Variants in SYNJ2BP observed in about 807,000 individuals in gnomAD.
The protein encoded by SYNJ2BP is synaptojanin 2 binding protein, also known as synaptojanin-2-binding protein.
SYNJ2BP carries 10 observed loss-of-function variants against 16.9 expected under a neutral mutation model. That is an observed-to-expected ratio of 0.59 (90% CI 0.36 to 1.00). The LOEUF (loss-of-function observed/expected upper bound fraction) is 1.00. Ranked by LOEUF, SYNJ2BP falls within the 50% of genes least tolerant of loss-of-function variation. The pLI is 0.01. For synonymous variants in SYNJ2BP, 54 were observed against 68.4 expected (o/e 0.79, Z 1.04); for missense variants, 162 against 186.7 (o/e 0.87, Z 0.77).
intron 1 of SYNJ2BP, among the ~76,000 whole-genome samples, chr14:70,407,384 T>C (rs1259617607): frequency 6.6e-6 from 1 of 151,128 alleles, no homozygotes; most frequent in East Asian, 1.9e-4. Context: ...GAGCCGAGAT[T>C]GTGCCACTGC....
At chr14:70,385,996 T>C (rs1205002445) in intron 2 of SYNJ2BP, among the ~76,000 whole-genome samples, 1 of 152,226 alleles carries the variant, frequency 6.6e-6, no homozygotes, top group East Asian at 1.9e-4. Flanking sequence ...CAAATACTTC[T>C]CACCATTCTC....
At chr14:70,374,539 G>A (rs1887583270) in intron 3 of SYNJ2BP, among the ~76,000 whole-genome samples, 1 of 152,198 alleles carries the variant, frequency 6.6e-6, no homozygotes, top group Non-Finnish European at 1.5e-5. Flanking sequence ...AATGCTATAG[G>A]AGGAATTATA....
intron 3 of SYNJ2BP, 125 bp downstream of exon 3, chr14:70,375,551 T>C: frequency 8.0e-7 from 1 of 1,252,700 alleles, no homozygotes; most frequent in Admixed American, 2.6e-5. Flanking sequence ...TCCCTTTGCC[T>C]GAGAAACTCT....
intron 1 of SYNJ2BP, 21 bp from the exon 2 acceptor site, chr14:70,388,627 T>C: frequency 6.9e-7 from 1 of 1,457,978 alleles, no homozygotes; most frequent in Non-Finnish European, 9.1e-7. Context: ...CATGGAGGAG[T>C]AAAAAGATGG....
chr14:70,375,177 T>A (rs1887598870), intron 3 of SYNJ2BP, among the ~76,000 whole-genome samples: 1 of 151,020 alleles, frequency 6.6e-6, no homozygotes. Context: ...CATACTGTTG[T>A]GAATTTCTCT....
intron 1 of SYNJ2BP, among the ~76,000 whole-genome samples, chr14:70,390,584 C>T (rs909387975): frequency 6.2e-4 from 94 of 151,754 alleles, no homozygotes; most frequent in African/African-American, 2.2e-3. Context: ...AGGAGAATGG[C>T]GTGAACCCGG....
At chr14:70,398,084 A>AG (rs1888146538) in intron 1 of SYNJ2BP, among the ~76,000 whole-genome samples, 1 of 77,520 alleles carries the variant, frequency 1.3e-5, no homozygotes, top group Non-Finnish European at 3.5e-5. Context: ...TCATCTCAAC[A>AG]AGTACTCAGT....
chr14:70,395,926 T>C (rs779900285), intron 1 of SYNJ2BP, among the ~76,000 whole-genome samples: 12 of 152,228 alleles, frequency 7.9e-5, no homozygotes, highest in Non-Finnish European at 1.6e-4. Flanking sequence ...TAGCATAATG[T>C]CTTCAAGGTT....
intron 2 of SYNJ2BP, among the ~76,000 whole-genome samples, chr14:70,385,553 T>TG (rs1420099719): frequency 6.6e-6 from 1 of 151,846 alleles, no homozygotes; most frequent in Non-Finnish European, 1.5e-5. Flanking sequence ...TTTGTATTTT[T>TG]TTTTTTTAGT....
intron 3 of SYNJ2BP, among the ~76,000 whole-genome samples, chr14:70,374,957 A>ATTAT (rs1887594004): frequency 6.6e-6 from 1 of 150,466 alleles, no homozygotes; most frequent in Non-Finnish European, 1.5e-5. Flanking sequence ...TTTTATTATT[A>ATTAT]TTTTTTTAAG....
intron 1 of SYNJ2BP, among the ~76,000 whole-genome samples, chr14:70,404,730 T>C (rs1482398771): frequency 7.9e-5 from 12 of 152,116 alleles, no homozygotes. Flanking sequence ...CTAAATACAG[T>C]GCATATAAAG....
chr14:70,393,284 T>C (rs1006343049), intron 1 of SYNJ2BP, among the ~76,000 whole-genome samples: 1 of 152,160 alleles, frequency 6.6e-6, no homozygotes, highest in Non-Finnish European at 1.5e-5. Flanking sequence ...ATGGCGATCA[T>C]TAAAAAGTCT....
intron 3 of SYNJ2BP, among the ~76,000 whole-genome samples, chr14:70,374,957 A>ATTT (rs34793292): frequency 4.0e-5 from 6 of 150,466 alleles, no homozygotes; most frequent in African/African-American, 7.3e-5. Context: ...TTTTATTATT[A>ATTT]TTTTTTTAAG....
chr14:70,383,812 G>C (rs996917350), intron 2 of SYNJ2BP, among the ~76,000 whole-genome samples: 17 of 151,992 alleles, frequency 1.1e-4, no homozygotes, highest in Non-Finnish European at 1.5e-4. Context: ...CTTCGTAATA[G>C]CCATTTTTAT....
intron 2 of SYNJ2BP, 28 bp from the exon 3 acceptor site, chr14:70,375,799 A>T: frequency 6.2e-7 from 1 of 1,608,696 alleles, no homozygotes; most frequent in Non-Finnish European, 8.5e-7. Context: ...AGTAGTAAGA[A>T]AGGAAGAAGG....
chr14:70,405,995 A>C (rs1191150738), intron 1 of SYNJ2BP, among the ~76,000 whole-genome samples: 2 of 152,242 alleles, frequency 1.3e-5, no homozygotes. Context: ...GTTTAGATTA[A>C]GTGTTTTCAA....
At chr14:70,374,983 A>C (rs1434979111) in intron 3 of SYNJ2BP, among the ~76,000 whole-genome samples, 1 of 151,452 alleles carries the variant, frequency 6.6e-6, no homozygotes, top group African/African-American at 2.4e-5. Context: ...AGGTCTCTCT[A>C]TGTTGCCCAG....
At chr14:70,400,425 T>C (rs2140858140) in intron 1 of SYNJ2BP, among the ~76,000 whole-genome samples, 1 of 152,352 alleles carries the variant, frequency 6.6e-6, no homozygotes, top group East Asian at 1.9e-4. Context: ...AACCCTATCT[T>C]TATCTTGACA....
At chr14:70,394,375 G>A (rs537861297) in intron 1 of SYNJ2BP, among the ~76,000 whole-genome samples, 149 of 151,868 alleles carry the variant, frequency 9.8e-4, no homozygotes, top group African/African-American at 3.4e-3. Context: ...TGGAGCTAAA[G>A]GGTATAATTA....
Sources: gnomAD v4.1 joint callset for allele counts (sites outside exome capture counted in the v4.1 genomes callset) on GRCh38, gnomAD v4.1.1 for gene constraint, MANE v1.5 for transcripts, NCBI Gene and HGNC (gene_info 2026-07-23, HGNC 2026-07-21) for gene names.